The following SEMA6D variants were observed in gnomAD, a reference collection of about 807,000 sequenced individuals.
SEMA6D encodes semaphorin-6D.
A neutral mutation model predicts 106.6 loss-of-function variants in SEMA6D; 35 were observed. The ratio of observed to expected loss-of-function variants is 0.33; its 90% CI spans 0.25 to 0.44. The LOEUF (loss-of-function observed/expected upper bound fraction) is 0.44, where lower values mean the gene tolerates loss of function less well. Ranked by LOEUF, SEMA6D falls within the 20% of genes least tolerant of loss-of-function variation. The pLI is 1.00. For synonymous variants in SEMA6D, 499 were observed against 487.7 expected (o/e 1.02, Z -0.31); for missense variants, 1,185 against 1,345.9 (o/e 0.88, Z 1.87).
intron 1 of SEMA6D, among the ~76,000 whole-genome samples, chr15:47,743,165 A>C (rs2080918223): frequency 6.6e-6 from 1 of 152,248 alleles, no homozygotes; most frequent in African/African-American, 2.4e-5. Flanking sequence ...ACAATTTCAA[A>C]ATCAAGGGAA....
intron 4 of SEMA6D, among the ~76,000 whole-genome samples, chr15:47,681,110 T>C (rs1019170586): frequency 4.6e-5 from 7 of 152,194 alleles, no homozygotes; most frequent in African/African-American, 1.7e-4. Flanking sequence ...TTGAAATCGG[T>C]ATGTCAAAGA....
chr15:47,313,434 T>C (rs529487559), intron 1 of SEMA6D, among the ~76,000 whole-genome samples: 1 of 152,328 alleles, frequency 6.6e-6, no homozygotes, highest in South Asian at 2.1e-4. Flanking sequence ...CCTCCATGTA[T>C]TTTCATAGCT....
intron 3 of SEMA6D, among the ~76,000 whole-genome samples, chr15:47,482,091 C>G (rs952718006): frequency 6.6e-6 from 1 of 152,078 alleles, no homozygotes; most frequent in African/African-American, 2.4e-5. Context: ...GTGGGGAAAA[C>G]AAATGATTAA....
In SEMA6D at chr15:47,492,848, A is replaced by G. The variant is rs1688017414; in HGVS notation, c.-87+22303A>G. On this transcript the variant is annotated intron_variant, in intron 3 of 19. Coordinates refer to the SEMA6D transcript ENST00000558014. ...AGGAGAAAGAGTCAACATTTTGCAT[A>G]TATTTTTGATAGTTGTCTGAGTCCC... Among the ~76,000 whole-genome samples, 3 of 152,154 alleles carry G rather than the reference A, an allele frequency of 2.0e-5. No homozygotes were observed. In the South Asian group the frequency reaches 6.2e-4, roughly 32 times the overall value.
At chr15:47,582,154 G>A (rs2076265002) in intron 3 of SEMA6D, among the ~76,000 whole-genome samples, 1 of 152,168 alleles carries the variant, frequency 6.6e-6, no homozygotes, top group Non-Finnish European at 1.5e-5. Flanking sequence ...AGATTTGTAA[G>A]ACAGCCAGTC....
intron 2 of SEMA6D, among the ~76,000 whole-genome samples, chr15:47,463,128 C>CA (rs1216899869): frequency 6.6e-6 from 1 of 152,112 alleles, no homozygotes; most frequent in Non-Finnish European, 1.5e-5. Flanking sequence ...ATAACAGTAA[C>CA]AAAAACAACC....
Position 47,511,209 on chromosome 15 carries a change from T to C in SEMA6D, c.-87+40664T>C, listed in dbSNP as rs567125325. Among the ~76,000 whole-genome samples the C allele has an allele frequency of 2.0e-3, 311 of 152,296 alleles. 1 individual carries two copies. The highest frequency in any genetic ancestry group is 7.2e-3 in the African/African-American group (300 of 41,560). ...GAATTGTGAAGGAGGTGGAGTTGGTTTGGGGCAATTCCTCATACTTGTTGG... is the reference window on the plus strand; with the variant it reads ...GAATTGTGAAGGAGGTGGAGTTGGTCTGGGGCAATTCCTCATACTTGTTGG... On this transcript the variant is annotated intron_variant, in intron 3 of 19. Coordinates refer to the SEMA6D transcript ENST00000558014.
At chr15:47,531,223 T>C (rs921151133) in intron 3 of SEMA6D, among the ~76,000 whole-genome samples, 1 of 152,208 alleles carries the variant, frequency 6.6e-6, no homozygotes, top group African/African-American at 2.4e-5. Flanking sequence ...CAATTTGCTA[T>C]AAATACACAT....
intron 1 of SEMA6D, among the ~76,000 whole-genome samples, chr15:47,234,961 A>T (rs1207620782): frequency 6.6e-6 from 1 of 152,074 alleles, no homozygotes; most frequent in Admixed American, 6.6e-5. Flanking sequence ...TTACATTCCC[A>T]CCAGCAGTGT....
At chr15:47,451,558 G>A (rs1596030081) in intron 2 of SEMA6D, among the ~76,000 whole-genome samples, 1 of 151,950 alleles carries the variant, frequency 6.6e-6, no homozygotes, top group Non-Finnish European at 1.5e-5. Flanking sequence ...CTTTGGGGAA[G>A]GAATAGAAAG....
At chr15:47,323,125 GGCTTTTTA>G (rs1371146636) in intron 1 of SEMA6D, among the ~76,000 whole-genome samples, 1 of 151,962 alleles carries the variant, frequency 6.6e-6, no homozygotes, top group Non-Finnish European at 1.5e-5. Flanking sequence ...TAAGTGTTGT[GGCTTTTTA>G]GCTCCCGTAG....
chr15:47,201,581 A>T (rs964102234), intron 1 of SEMA6D, among the ~76,000 whole-genome samples: 1 of 152,168 alleles, frequency 6.6e-6, no homozygotes, highest in African/African-American at 2.4e-5. Context: ...GAGACAGAGT[A>T]GGGACAGGGC....
intron 1 of SEMA6D, among the ~76,000 whole-genome samples, chr15:47,720,701 C>A (rs1446259547): frequency 6.6e-6 from 1 of 152,190 alleles, no homozygotes; most frequent in Non-Finnish European, 1.5e-5. Flanking sequence ...GCCATAATTG[C>A]TAAAGACTTA....
intron 3 of SEMA6D, among the ~76,000 whole-genome samples, chr15:47,578,524 A>G (rs902672918): frequency 6.6e-5 from 10 of 152,254 alleles, no homozygotes; most frequent in African/African-American, 2.4e-4. Flanking sequence ...CAAATGATCT[A>G]TGTATAATAG....
intron 1 of SEMA6D, among the ~76,000 whole-genome samples, chr15:47,356,666 C>G (rs1165523419): frequency 6.6e-6 from 1 of 151,970 alleles, no homozygotes; most frequent in Non-Finnish European, 1.5e-5. Flanking sequence ...TAAAGAACAA[C>G]TGAACAAAGT....
At chr15:47,191,460 A>G (rs1246752512) in intron 1 of SEMA6D, among the ~76,000 whole-genome samples, 1 of 152,108 alleles carries the variant, frequency 6.6e-6, no homozygotes, top group Non-Finnish European at 1.5e-5. Flanking sequence ...TTCACTAGTA[A>G]TGAGGCCATG....
intron 4 of SEMA6D, among the ~76,000 whole-genome samples, chr15:47,694,044 G>C (rs764239944): frequency 3.9e-5 from 6 of 152,140 alleles, no homozygotes; most frequent in African/African-American, 1.2e-4. Context: ...CCTTGCATTA[G>C]TTTAAAGGAG....
intron 11 of SEMA6D, 64 bp from the exon 12 acceptor site, chr15:47,764,574 T>A (rs1039494967): frequency 1.9e-6 from 3 of 1,588,864 alleles, no homozygotes; most frequent in Non-Finnish European, 2.6e-6. Context: ...ACTTATTCCT[T>A]AGATACAGTA....
chr15:47,636,281 A>G (rs759111392), intron 4 of SEMA6D, among the ~76,000 whole-genome samples: 61 of 152,226 alleles, frequency 4.0e-4, no homozygotes, highest in Non-Finnish European at 8.2e-4. Flanking sequence ...TCATTTCTGA[A>G]TTGAGAGCAG....
Sources: allele counts gnomAD v4.1 joint callset (sites outside exome capture counted in the v4.1 genomes callset), GRCh38; gene constraint gnomAD v4.1.1; transcripts MANE v1.5; gene names NCBI Gene and HGNC (gene_info 2026-07-23, HGNC 2026-07-21).